The following GJB7 variants were observed in gnomAD, a reference collection of about 807,000 sequenced individuals.
The protein encoded by GJB7 is gap junction protein beta 7.
For missense variants in GJB7, 253 were observed against 256.8 expected, an observed-to-expected ratio of 0.99 and a Z score of 0.10; for synonymous variants, 87 against 95.2, an observed-to-expected ratio of 0.91 and a Z score of 0.50.
chr6:87,298,821 C>T lies in GJB7; in HGVS notation c.-27-13882G>A, dbSNP rs139742697. ...CCAGATGAGACCGGTGTCCAGGGTA[C>T]TAGCCCCTTATCTCACAGGATTTTG... On this transcript the variant is annotated intron_variant, in intron 2 of 2. Coordinates refer to ENST00000525899, the MANE Select transcript of GJB7 (RefSeq NM_198568.3). The T allele has an allele frequency of 2.9e-3, 1,062 of 368,662 alleles. 17 individuals carry two copies. The highest frequency in any genetic ancestry group is 0.021 in the African/African-American group (999 of 46,700). The allele number at this position is 368,662 out of a possible 1,614,324, so 22.8% of individuals were successfully genotyped here. A position where few individuals can be genotyped will look rare whatever the true frequency, so the allele number is the denominator to read the frequency against.
In GJB7 at chr6:87,311,514, G is replaced by A. The variant is rs543010398; in HGVS notation, c.-28+11352C>T. Among the ~76,000 whole-genome samples, 355 of 152,292 alleles carry A rather than the reference G, an allele frequency of 2.3e-3. 2 individuals carry two copies. The highest frequency in any genetic ancestry group is 8.2e-3 in the African/African-American group (341 of 41,538). ...GTCTCTAAAAAGAGAAATCACAGAGGAATATATACAGGGTTTGGGATTCTG... is the reference window on the plus strand; with the variant it reads ...GTCTCTAAAAAGAGAAATCACAGAGAAATATATACAGGGTTTGGGATTCTG... On this transcript the variant is annotated intron_variant, in intron 2 of 2. Transcript: ENST00000525899.
At chr6:87,314,262 A>C (rs1252681595) in intron 2 of GJB7, among the ~76,000 whole-genome samples, 1 of 152,190 alleles carries the variant, frequency 6.6e-6, no homozygotes, top group Non-Finnish European at 1.5e-5. Context: ...TTAGGACCTT[A>C]GCCCTCCCTA....
intron 2 of GJB7, among the ~76,000 whole-genome samples, chr6:87,305,888 C>T: frequency 6.6e-6 from 1 of 152,228 alleles, no homozygotes; most frequent in Non-Finnish European, 1.5e-5. Flanking sequence ...CTACAACCAT[C>T]TGATCTTTGA....
In GJB7 at chr6:87,298,687, T is replaced by A. The variant is rs371804841; in HGVS notation, c.-27-13748A>T. On this transcript the variant is annotated intron_variant, in intron 2 of 2. Coordinates refer to ENST00000525899, the MANE Select transcript of GJB7 (RefSeq NM_198568.3). ...AAAATGCATAATTTCAGCCATTTAA[T>A]CAAAACCATGGAAATGGGCTCGCCC... is the stretch of plus-strand genomic sequence containing the variant. 1.7e-5 allele frequency: 3 copies of A among 180,306 alleles called. No homozygotes were observed. The Admixed American group carries it at 1.8e-4, about 11-fold the overall frequency. The allele number at this position is 180,306 out of a possible 1,614,324, so 11.2% of individuals were successfully genotyped here.
chr6:87,320,203 C>T (rs1224843100), intron 2 of GJB7, among the ~76,000 whole-genome samples: 2 of 152,002 alleles, frequency 1.3e-5, no homozygotes, highest in Non-Finnish European at 2.9e-5. Flanking sequence ...GATAAATCCT[C>T]GATGTGGTGG....
At chr6:87,322,526 G>A (rs1421700621) in intron 2 of GJB7, 1 of 152,376 alleles carries the variant, frequency 6.6e-6, no homozygotes, top group East Asian at 1.9e-4. Context: ...GAAGACAGGG[G>A]ACGCTGTGGC....
At chr6:87,316,237 T>C (rs75577341) in intron 2 of GJB7, among the ~76,000 whole-genome samples, 5,671 of 152,254 alleles carry the variant, frequency 0.037, 366 homozygotes, top group African/African-American at 0.13. Flanking sequence ...ACTAGATATT[T>C]TGAATGGGTG....
At chr6:87,303,953 A>C (rs1250426510) in intron 2 of GJB7, among the ~76,000 whole-genome samples, 4 of 152,224 alleles carry the variant, frequency 2.6e-5, no homozygotes, top group Non-Finnish European at 2.9e-5. Context: ...TGAAGGCAGA[A>C]ATAAAGATGT....
chr6:87,284,100 T>C lies in GJB7; in HGVS notation c.*141A>G. 1.5e-6 allele frequency: 1 copy of C among 678,462 alleles called. No homozygotes were observed. Among genetic ancestry groups the C allele is most frequent in the Non-Finnish European group, 2.5e-6 (1 of 400,996 alleles). 42.0% of individuals were successfully genotyped at this position (678,462 alleles called of 1,614,324 possible). On this transcript the variant is annotated 3_prime_UTR_variant, in exon 3 of 3. Coordinates refer to ENST00000525899, the MANE Select transcript of GJB7 (RefSeq NM_198568.3). ...GGCCTTGCTGAGGAGGGATGCAGGT[T>C]TTCTTTGTTTAACCCTCTTGTGTGT...
intron 2 of GJB7, among the ~76,000 whole-genome samples, chr6:87,315,812 A>AG (rs1370874124): frequency 2.6e-5 from 4 of 151,516 alleles, no homozygotes; most frequent in African/African-American, 9.7e-5. Context: ...AAAAAAAAAA[A>AG]AAAAGAAAGA....
chr6:87,322,966 CAT>C lies in GJB7; in HGVS notation c.-130_-129del, dbSNP rs1198755441. On this transcript the variant is annotated 5_prime_UTR_variant, in exon 2 of 3. An upstream start codon of the reference 5' UTR is lost. Coordinates refer to ENST00000525899, the MANE Select transcript of GJB7 (RefSeq NM_198568.3). ...TCTTAGTGTCTTGGCTCACCAGACT[CAT>C]AGGGGAACATGGTGGTGTTTTGAGG... The C allele has an allele frequency of 3.3e-5, 5 of 152,338 alleles. No homozygotes were observed. In the East Asian group the frequency reaches 9.7e-4, roughly 29 times the overall value. 9.4% of individuals were successfully genotyped at this position (152,338 alleles called of 1,614,324 possible).
At chr6:87,287,988 C>T (rs1028867724) in intron 2 of GJB7, among the ~76,000 whole-genome samples, 15 of 152,160 alleles carry the variant, frequency 9.9e-5, no homozygotes, top group Non-Finnish European at 2.1e-4. Context: ...CTACAACCTC[C>T]GCCTCCCGGG....
intron 2 of GJB7, among the ~76,000 whole-genome samples, chr6:87,290,132 G>A (rs1776142495): frequency 6.6e-6 from 1 of 152,166 alleles, no homozygotes; most frequent in South Asian, 2.1e-4. Flanking sequence ...TAAGCAGGAT[G>A]TATGGTACAA....
At chr6:87,296,149 T>G (rs1039558725) in intron 2 of GJB7, among the ~76,000 whole-genome samples, 3 of 152,248 alleles carry the variant, frequency 2.0e-5, no homozygotes, top group Non-Finnish European at 4.4e-5. Context: ...TATAGTCAGG[T>G]GACAGATAAA....
intron 2 of GJB7, chr6:87,322,320 C>T (rs966999794): frequency 1.3e-5 from 2 of 152,214 alleles, no homozygotes; most frequent in Non-Finnish European, 2.9e-5. Flanking sequence ...TTTATTTATA[C>T]AAACATACAC....
In GJB7 at chr6:87,318,215, A is replaced by C. The variant is rs368956458; in HGVS notation, c.-28+4651T>G. Reference sequence around the variant, plus strand: ...TTCCTGTGATGCCAGACAGCTATACAGTTTTCAAAAATAGCAAGATGTTTG... The same window carrying C: ...TTCCTGTGATGCCAGACAGCTATACCGTTTTCAAAAATAGCAAGATGTTTG... On this transcript the variant is annotated intron_variant, in intron 2 of 2. Transcript: ENST00000525899. Among the ~76,000 whole-genome samples, 25 of 151,940 alleles carry C rather than the reference A, an allele frequency of 1.6e-4. No homozygotes were observed. In the East Asian group the frequency reaches 4.6e-3, roughly 28 times the overall value.
chr6:87,312,071 G>A (rs1776518801), intron 2 of GJB7, among the ~76,000 whole-genome samples: 1 of 152,082 alleles, frequency 6.6e-6, no homozygotes. Context: ...AGGGATTCTA[G>A]GATGCTGGTG....
chr6:87,318,876 T>C (rs1237371459), intron 2 of GJB7, among the ~76,000 whole-genome samples: 1 of 152,202 alleles, frequency 6.6e-6, no homozygotes. Flanking sequence ...CCAGCATTTA[T>C]GTTATTATTT....
chr6:87,302,190 C>A (rs374002425), intron 2 of GJB7, among the ~76,000 whole-genome samples: 1 of 152,128 alleles, frequency 6.6e-6, no homozygotes, highest in Non-Finnish European at 1.5e-5. Flanking sequence ...GTGACTTTGA[C>A]GAGTTGAGAG....
Sources: gnomAD v4.1 joint callset for allele counts (sites outside exome capture counted in the v4.1 genomes callset) on GRCh38, gnomAD v4.1.1 for gene constraint, MANE v1.5 for transcripts, NCBI Gene and HGNC (gene_info 2026-07-23, HGNC 2026-07-21) for gene names.